ZNF407: variants seen among roughly 807,000 people sequenced by gnomAD.
The protein encoded by ZNF407 is zinc finger protein 407.
ZNF407 carries 17 observed loss-of-function variants against 131.2 expected under a neutral mutation model. That is an observed-to-expected ratio of 0.13 (90% confidence interval 0.09 to 0.19). The LOEUF (loss-of-function observed/expected upper bound fraction) is 0.19, where lower values mean the gene tolerates loss of function less well. Among genes scored for constraint, ZNF407 ranks in the 10% least tolerant of loss-of-function variants. The probability of loss-of-function intolerance (pLI) is 1.00; values close to 1 mark genes in which losing one functional copy is unlikely to be tolerated. For synonymous variants in ZNF407, 1,156 were observed against 1,062.0 expected (o/e 1.09, Z -1.72); for missense variants, 2,681 against 2,830.6 (o/e 0.95, Z 1.20).
intron 8 of ZNF407, among the ~76,000 whole-genome samples, chr18:74,936,871 T>C (rs1018668148): frequency 3.3e-5 from 5 of 152,358 alleles, no homozygotes; most frequent in Admixed American, 2.0e-4. Context: ...AAAGCTGAAT[T>C]AATAATTCTC....
intron 8 of ZNF407, among the ~76,000 whole-genome samples, chr18:75,030,829 T>C (rs34765291): frequency 0.015 from 2,359 of 152,240 alleles, 28 homozygotes; most frequent in South Asian, 0.032. Context: ...AAGGGAGATT[T>C]TACCACCCTC....
intron 8 of ZNF407, among the ~76,000 whole-genome samples, chr18:74,931,656 T>A (rs1322756948): frequency 2.7e-5 from 4 of 148,588 alleles, no homozygotes; most frequent in African/African-American, 9.9e-5. Flanking sequence ...TTTAACTGTC[T>A]AAAAAAAAAA....
chr18:75,024,037 A>C (rs534758852), intron 8 of ZNF407, among the ~76,000 whole-genome samples: 2 of 152,338 alleles, frequency 1.3e-5, no homozygotes, highest in Admixed American at 6.5e-5. Context: ...AAAGGAGAGC[A>C]TGTGGGAGTC....
intron 4 of ZNF407, among the ~76,000 whole-genome samples, chr18:74,790,461 G>A (rs1343444214): frequency 6.6e-6 from 1 of 152,064 alleles, no homozygotes; most frequent in African/African-American, 2.4e-5. Flanking sequence ...TCAGATTTGG[G>A]GTATAAGAAT....
At chr18:74,798,282 A>AT (rs1308804211) in intron 4 of ZNF407, among the ~76,000 whole-genome samples, 9 of 151,436 alleles carry the variant, frequency 5.9e-5, no homozygotes, top group African/African-American at 1.2e-4. Flanking sequence ...AAAATTGTTG[A>AT]TTTTTTTAAT....
intron 3 of ZNF407, among the ~76,000 whole-genome samples, chr18:74,693,280 G>T (rs950333786): frequency 1.3e-5 from 2 of 152,134 alleles, no homozygotes; most frequent in Non-Finnish European, 2.9e-5. Flanking sequence ...CAGATTATCC[G>T]ACTCTTTCTC....
chr18:74,755,018 G>T (rs574499971), intron 3 of ZNF407, among the ~76,000 whole-genome samples: 58 of 152,216 alleles, frequency 3.8e-4, no homozygotes, highest in African/African-American at 1.1e-3. Flanking sequence ...ACTTGCTTTA[G>T]GAATCTGGGT....
At chr18:75,024,191 C>G (rs934654152) in intron 8 of ZNF407, among the ~76,000 whole-genome samples, 10 of 152,128 alleles carry the variant, frequency 6.6e-5, no homozygotes, top group Non-Finnish European at 1.5e-4. Flanking sequence ...ATTTGGGTTT[C>G]TGAAAAAGAG....
At chr18:74,803,994 G>C (rs143651062) in intron 4 of ZNF407, 1 of 1,551,794 alleles carries the variant, frequency 6.4e-7, no homozygotes, top group East Asian at 2.4e-5. Context: ...AGATCGGGAC[G>C]TTGCCAGGAA....
intron 3 of ZNF407, among the ~76,000 whole-genome samples, chr18:74,727,722 G>A (rs755336349): frequency 1.1e-4 from 16 of 152,158 alleles, no homozygotes; most frequent in Non-Finnish European, 1.5e-4. Context: ...ATAGCAAGTC[G>A]CCATGCGCGG....
At chr18:74,767,118 A>G (rs1354142319) in intron 3 of ZNF407, among the ~76,000 whole-genome samples, 1 of 151,978 alleles carries the variant, frequency 6.6e-6, no homozygotes, top group Admixed American at 6.5e-5. Flanking sequence ...TGCCATGTTG[A>G]TCAGGCTGGC....
At chr18:74,758,439 CA>C (rs1191458729) in intron 3 of ZNF407, among the ~76,000 whole-genome samples, 2 of 152,140 alleles carry the variant, frequency 1.3e-5, no homozygotes, top group African/African-American at 4.8e-5. Context: ...CTCCTACATA[CA>C]TTATTTCCTC....
At chr18:74,818,943 A>G (rs1371129651) in intron 4 of ZNF407, among the ~76,000 whole-genome samples, 2 of 151,698 alleles carry the variant, frequency 1.3e-5, no homozygotes, top group African/African-American at 4.8e-5. Context: ...AAAGAAAACA[A>G]TTTTTCTCTC....
intron 1 of ZNF407, chr18:74,598,326 G>C (rs1982401050): frequency 6.6e-6 from 1 of 152,324 alleles, no homozygotes; most frequent in Admixed American, 6.5e-5. Flanking sequence ...GACCTAGCGT[G>C]GCCTCGGTTT....
intron 3 of ZNF407, among the ~76,000 whole-genome samples, chr18:74,683,345 C>G (rs8099357): frequency 6.6e-6 from 1 of 152,054 alleles, no homozygotes; most frequent in East Asian, 1.9e-4. Flanking sequence ...CCATTTTCTT[C>G]CTCAGAGAAA....
At chr18:74,639,244 G>A (rs1181708231) in intron 2 of ZNF407, among the ~76,000 whole-genome samples, 2 of 152,158 alleles carry the variant, frequency 1.3e-5, no homozygotes, top group African/African-American at 4.8e-5. Flanking sequence ...TGCTGTGTGA[G>A]CAAAATGAAA....
intron 1 of ZNF407, among the ~76,000 whole-genome samples, chr18:74,604,539 C>T (rs1251400375): frequency 6.6e-6 from 1 of 152,202 alleles, no homozygotes; most frequent in African/African-American, 2.4e-5. Context: ...ACTGTCTTTC[C>T]AGGTGGCTGC....
In ZNF407 at chr18:74,795,652, C is replaced by A. The variant is rs183633084; in HGVS notation, c.4877+14150C>A. 7.2e-5 allele frequency among the ~76,000 whole-genome samples: 11 copies of A among 152,276 alleles called. No homozygotes were observed. The East Asian group carries it at 2.1e-3, about 29-fold the overall frequency. On this transcript the variant is annotated intron_variant, in intron 4 of 8. Transcript: ENST00000299687. ...CAAGCATGTAAATTATGAACTAAAC[C>A]ACCAGTTCAGTTCTGGGCATTCTCA...
At chr18:74,983,586 T>C (rs1034251734) in intron 8 of ZNF407, among the ~76,000 whole-genome samples, 1 of 152,216 alleles carries the variant, frequency 6.6e-6, no homozygotes, top group African/African-American at 2.4e-5. Flanking sequence ...TCATGAAGAA[T>C]ATGACTTCTA....
Sources: allele counts gnomAD v4.1 joint callset (sites outside exome capture counted in the v4.1 genomes callset), GRCh38; gene constraint gnomAD v4.1.1; transcripts MANE v1.5; gene names NCBI Gene and HGNC (gene_info 2026-07-23, HGNC 2026-07-21).